NBEA: variants seen among roughly 807,000 people sequenced by gnomAD.
NBEA encodes lysosomal-trafficking regulator 2.
NBEA carries 44 observed loss-of-function variants against 343.4 expected under a neutral mutation model. The ratio of observed to expected loss-of-function variants is 0.13; its 90% CI spans 0.10 to 0.16. NBEA has a LOEUF of 0.16. Ranked by LOEUF, NBEA falls within the 10% of genes least tolerant of loss-of-function variation. The probability of loss-of-function intolerance (pLI) is 1.00; values close to 1 mark genes in which losing one functional copy is unlikely to be tolerated. For synonymous variants in NBEA, 1,175 were observed against 1,238.7 expected (o/e 0.95, Z 1.08); for missense variants, 2,555 against 3,631.3 (o/e 0.70, Z 7.62).
At chr13:35,076,763 T>A (rs1260909319) in intron 10 of NBEA, among the ~76,000 whole-genome samples, 1 of 152,066 alleles carries the variant, frequency 6.6e-6, no homozygotes, top group Non-Finnish European at 1.5e-5. Context: ...TAGTTTGCAT[T>A]TCCACATTCT....
chr13:34,992,176 G>A (rs1244921432), intron 1 of NBEA, among the ~76,000 whole-genome samples: 2 of 147,958 alleles, frequency 1.4e-5, no homozygotes, highest in African/African-American at 2.5e-5. Context: ...AAAAATGTGT[G>A]TGTATATGTG....
chr13:35,059,072 A>G (rs1360959153), intron 8 of NBEA, among the ~76,000 whole-genome samples: 1 of 152,030 alleles, frequency 6.6e-6, no homozygotes, highest in East Asian at 1.9e-4. Flanking sequence ...ATTTTCTAAT[A>G]TTCATGGCAT....
intron 43 of NBEA, among the ~76,000 whole-genome samples, chr13:35,554,430 C>A (rs956526482): frequency 6.6e-6 from 1 of 152,198 alleles, no homozygotes; most frequent in African/African-American, 2.4e-5. Context: ...TTCCCTTAGG[C>A]TGTTCCTATG....
At chr13:35,265,900 C>T (rs765512796) in intron 34 of NBEA, among the ~76,000 whole-genome samples, 5 of 151,748 alleles carry the variant, frequency 3.3e-5, no homozygotes, top group African/African-American at 4.8e-5. Flanking sequence ...AGAAAACAAA[C>T]AACAGTTAAG....
At chr13:35,296,695 T>C (rs944386444) in intron 35 of NBEA, among the ~76,000 whole-genome samples, 1 of 152,066 alleles carries the variant, frequency 6.6e-6, no homozygotes, top group Non-Finnish European at 1.5e-5. Flanking sequence ...GTCTACATTG[T>C]ATAAGTTTTT....
intron 1 of NBEA, among the ~76,000 whole-genome samples, chr13:34,994,620 G>C (rs2060876885): frequency 6.6e-6 from 1 of 152,072 alleles, no homozygotes; most frequent in Non-Finnish European, 1.5e-5. Context: ...TGAATATGGA[G>C]AAAATCCTAC....
intron 18 of NBEA, among the ~76,000 whole-genome samples, chr13:35,146,693 C>T (rs1048823192): frequency 3.3e-5 from 5 of 152,094 alleles, no homozygotes; most frequent in Non-Finnish European, 7.4e-5. Flanking sequence ...TCTGCTTGGT[C>T]CATGGGTGAA....
intron 1 of NBEA, among the ~76,000 whole-genome samples, chr13:34,948,330 C>T (rs1230985743): frequency 2.0e-5 from 3 of 151,082 alleles, no homozygotes; most frequent in Non-Finnish European, 4.5e-5. Flanking sequence ...CCAAGGGTAG[C>T]GAGCCAGAGT....
chr13:35,593,139 T>C, intron 46 of NBEA, 189 bp from the exon 47 acceptor site: 1 of 443,340 alleles, frequency 2.3e-6, no homozygotes, highest in Non-Finnish European at 3.9e-6. Context: ...AGTTGCAGAC[T>C]GACAACTGCT....
intron 28 of NBEA, among the ~76,000 whole-genome samples, chr13:35,180,808 T>G (rs1593636885): frequency 6.6e-6 from 1 of 151,760 alleles, no homozygotes; most frequent in East Asian, 1.9e-4. Flanking sequence ...TTGTAGTCTT[T>G]TATCTGTCAC....
intron 7 of NBEA, among the ~76,000 whole-genome samples, chr13:35,056,633 A>G (rs566520156): frequency 2.0e-5 from 3 of 152,240 alleles, no homozygotes; most frequent in Admixed American, 6.6e-5. Context: ...ATTCAGTGGG[A>G]ACAGTGAGTG....
At chr13:35,136,005 A>G (rs562844928) in intron 17 of NBEA, among the ~76,000 whole-genome samples, 1 of 152,226 alleles carries the variant, frequency 6.6e-6, no homozygotes, top group Non-Finnish European at 1.5e-5. Context: ...GTTGATAAAG[A>G]GAGATGAAAG....
chr13:35,033,996 A>G (rs534667907), intron 1 of NBEA, among the ~76,000 whole-genome samples: 5 of 151,584 alleles, frequency 3.3e-5, no homozygotes, highest in Admixed American at 1.3e-4. Flanking sequence ...ACCTTTTTCT[A>G]GCTTTCTCTT....
At chr13:34,951,564 G>C (rs996415105) in intron 1 of NBEA, among the ~76,000 whole-genome samples, 2 of 152,162 alleles carry the variant, frequency 1.3e-5, no homozygotes, top group Non-Finnish European at 2.9e-5. Context: ...GGGACTCTTA[G>C]GTACACACAG....
chr13:35,382,186 C>G (rs2042047918), intron 38 of NBEA, among the ~76,000 whole-genome samples: 1 of 152,088 alleles, frequency 6.6e-6, no homozygotes, highest in Non-Finnish European at 1.5e-5. Context: ...GACATGATAA[C>G]AAGGATTTTC....
At chr13:35,139,057 CTTTTTTTTTTT>C (rs36053692) in intron 17 of NBEA, among the ~76,000 whole-genome samples, 1 of 97,888 alleles carries the variant, frequency 1.0e-5, no homozygotes, top group Non-Finnish European at 1.8e-5. Context: ...CAAGAAATAT[CTTTTTTTTTTT>C]TTTTTTTTTT....
At chr13:35,317,132 A>G (rs1192091007) in intron 36 of NBEA, among the ~76,000 whole-genome samples, 3 of 152,086 alleles carry the variant, frequency 2.0e-5, no homozygotes, top group Non-Finnish European at 2.9e-5. Context: ...CCATTTGTCA[A>G]TTTTGGCTTT....
intron 34 of NBEA, among the ~76,000 whole-genome samples, chr13:35,289,633 G>A (rs2035669400): frequency 1.3e-5 from 2 of 151,826 alleles, no homozygotes; most frequent in Non-Finnish European, 2.9e-5. Context: ...TTAACCTGTA[G>A]AATGGGAATA....
chr13:35,427,567 C>T (rs1364030775), intron 38 of NBEA, among the ~76,000 whole-genome samples: 1 of 152,166 alleles, frequency 6.6e-6, no homozygotes, highest in African/African-American at 2.4e-5. Context: ...CCCAGTTAGG[C>T]TACTCGGGGG....
Sources: gnomAD v4.1 joint callset for allele counts (sites outside exome capture counted in the v4.1 genomes callset) on GRCh38, gnomAD v4.1.1 for gene constraint, MANE v1.5 for transcripts, NCBI Gene and HGNC (gene_info 2026-07-23, HGNC 2026-07-21) for gene names.